The following INIP variants were observed in gnomAD, a reference collection of about 807,000 sequenced individuals.
The protein encoded by INIP is INTS3 and NABP interacting protein.
In INIP, 9 loss-of-function variants were observed where a neutral mutation model predicts 14.0. The ratio of observed to expected loss-of-function variants is 0.64; its 90% CI spans 0.39 to 1.12. INIP has a LOEUF of 1.12. Ranked by LOEUF, INIP falls within the 50% of genes most tolerant of loss-of-function variation. The pLI is 0.01. For missense variants in INIP, 78 were observed against 122.7 expected, an observed-to-expected ratio of 0.64 and a Z score of 1.72; for synonymous variants, 37 against 41.5, an observed-to-expected ratio of 0.89 and a Z score of 0.41.
intron 2 of INIP, among the ~76,000 whole-genome samples, chr9:112,700,538 T>TATATATATATATATA (rs112196431): frequency 1.6e-5 from 2 of 122,210 alleles, no homozygotes; most frequent in African/African-American, 7.3e-5. Flanking sequence ...TATATATATA[T>TATATATATATATATA]TATATATACC....
chr9:112,694,450 G>A (rs1285996543), intron 2 of INIP, among the ~76,000 whole-genome samples: 1 of 152,128 alleles, frequency 6.6e-6, no homozygotes, highest in African/African-American at 2.4e-5. Flanking sequence ...GAATACTTAA[G>A]CAGAATATAA....
At position 112,716,446 on chromosome 9, in the gene INIP, T is replaced by C. The variant is rs527362301; in HGVS notation, c.25+15A>G. ...GGGGAAATGTTCATAGTAAAGAAAT[T>C]CCTGCTGTCATTACCTTGTCCTGAA... On this transcript the variant is annotated intron_variant, in intron 2 of 4. Transcript: ENST00000374242. The C allele has an allele frequency of 6.2e-6, 10 of 1,611,778 alleles. No homozygotes were observed. The South Asian group carries it at 8.8e-5, about 14-fold the overall frequency.
intron 2 of INIP, among the ~76,000 whole-genome samples, chr9:112,702,829 C>CT (rs1235871303): frequency 2.0e-5 from 3 of 152,172 alleles, no homozygotes; most frequent in Admixed American, 6.5e-5. Flanking sequence ...TCCCAAAGTG[C>CT]TGGGATTACA....
At chr9:112,707,223 G>A (rs541957478) in intron 2 of INIP, among the ~76,000 whole-genome samples, 181 of 149,236 alleles carry the variant, frequency 1.2e-3, no homozygotes, top group Non-Finnish European at 2.3e-3. Context: ...ACAGGCATGA[G>A]CCACTGTGCC....
intron 2 of INIP, among the ~76,000 whole-genome samples, chr9:112,710,500 A>G (rs911895175): frequency 2.0e-5 from 3 of 152,178 alleles, no homozygotes; most frequent in African/African-American, 7.2e-5. Flanking sequence ...CCAGGTTGAC[A>G]ATCTGCCTCT....
At chr9:112,694,068 C>A in intron 3 of INIP, 63 bp downstream of exon 3, 1 of 1,107,680 alleles carries the variant, frequency 9.0e-7, no homozygotes, top group South Asian at 1.4e-5. Context: ...GGGCGAGACT[C>A]CGTCTCAAAA....
chr9:112,711,287 T>C (rs190581858), intron 2 of INIP, among the ~76,000 whole-genome samples: 18 of 152,320 alleles, frequency 1.2e-4, no homozygotes, highest in African/African-American at 4.3e-4. Context: ...CTCCCTCTGC[T>C]GGTTCCTAGT....
At chr9:112,689,264 T>C (rs1479006528) in intron 4 of INIP, among the ~76,000 whole-genome samples, 1 of 152,230 alleles carries the variant, frequency 6.6e-6, no homozygotes, top group Non-Finnish European at 1.5e-5. Flanking sequence ...CCAAATATCC[T>C]AGACTCTTGT....
At chr9:112,714,137 C>G (rs1838734178) in intron 2 of INIP, among the ~76,000 whole-genome samples, 1 of 152,066 alleles carries the variant, frequency 6.6e-6, no homozygotes, top group South Asian at 2.1e-4. Context: ...TACTACCCCA[C>G]AATAACAAGG....
rs1221209807 is a variant in INIP at position 112,685,073 on chromosome 9, C to T, written c.*2465G>A. ...GTTCCAGGATGCCTCTCTCAGGCCA[C>T]TACTGCATTCTGGCTCGCTTGATTG... On this transcript the variant is annotated 3_prime_UTR_variant, in exon 5 of 5. Transcript: ENST00000374242. 2.0e-5 allele frequency: 3 copies of T among 152,188 alleles called. No individual in the cohort carries two copies. Among genetic ancestry groups the T allele is most frequent in the African/African-American group, 4.8e-5 (2 of 41,422 alleles). 9.4% of individuals were successfully genotyped at this position (152,188 alleles called of 1,614,324 possible).
intron 3 of INIP, among the ~76,000 whole-genome samples, chr9:112,690,256 C>T (rs538841552): frequency 3.9e-5 from 6 of 152,092 alleles, no homozygotes; most frequent in African/African-American, 1.2e-4. Context: ...TTTGGGAGTC[C>T]GAGGCAGGAG....
At chr9:112,690,377 C>T (rs10759583) in intron 3 of INIP, among the ~76,000 whole-genome samples, 3,087 of 152,176 alleles carry the variant, frequency 0.02, 96 homozygotes, top group East Asian at 0.14. Context: ...ATTCCAGCTA[C>T]GTGGGAGGCT....
rs147175165 is a variant in INIP at position 112,716,027 on chromosome 9, A to G, written c.25+434T>C. ...ATTGACCTAAACATCATTATTCAGC[A>G]CAAGTGTATTTCAAATTTAGAGTTT... On this transcript the variant is annotated intron_variant, in intron 2 of 4. Coordinates refer to ENST00000374242, the MANE Select transcript of INIP (RefSeq NM_021218.3). Among the ~76,000 whole-genome samples, 236 of 152,206 alleles carry G rather than the reference A, an allele frequency of 1.6e-3. 2 individuals are homozygous for G. The highest frequency in any genetic ancestry group is 5.3e-3 in the African/African-American group (222 of 41,538).
rs560195464 is a variant in INIP, at chr9:112,707,330, CTT to C, written c.25+9129_25+9130del. On this transcript the variant is annotated intron_variant, in intron 2 of 4. Transcript: ENST00000374242. Reference sequence around the variant, plus strand: ...AAACAAATAAAAAATCTGTTTCAAACTTTTTTTTTTTTTAAGAGACAGGATCT... The same window carrying C: ...AAACAAATAAAAAATCTGTTTCAAACTTTTTTTTTTTAAGAGACAGGATCT... Among the ~76,000 whole-genome samples the C allele has an allele frequency of 7.4e-3, 982 of 132,656 alleles. 9 individuals carry two copies. Among genetic ancestry groups the C allele is most frequent in the African/African-American group, 0.025 (910 of 36,550 alleles). 87.0% of individuals were successfully genotyped at this position (132,656 alleles called of 152,430 possible).
At chr9:112,713,301 C>CT (rs1470851550) in intron 2 of INIP, among the ~76,000 whole-genome samples, 1 of 152,158 alleles carries the variant, frequency 6.6e-6, no homozygotes, top group Admixed American at 6.5e-5. Context: ...ACTGACAACA[C>CT]TAAATGTGAA....
At position 112,693,139 on chromosome 9, in the gene INIP, T is replaced by C. The variant is rs555188577; in HGVS notation, c.128+992A>G. 2.0e-5 allele frequency among the ~76,000 whole-genome samples: 3 copies of C among 152,234 alleles called. No homozygotes were observed. In the South Asian group the frequency reaches 6.2e-4, roughly 32 times the overall value. ...CTAAACAGTTTGTTAAAAGTCTGAC[T>C]AGGAAATGAAGGGAACTAGAATATG... On this transcript the variant is annotated intron_variant, in intron 3 of 4. Coordinates refer to ENST00000374242, the MANE Select transcript of INIP (RefSeq NM_021218.3).
chr9:112,711,216 T>C (rs563298667), intron 2 of INIP, among the ~76,000 whole-genome samples: 1 of 152,110 alleles, frequency 6.6e-6, no homozygotes, highest in East Asian at 1.9e-4. Flanking sequence ...ACAATAGATC[T>C]GAATAAATAA....
chr9:112,716,500 T>C lies in INIP; in HGVS notation c.-15A>G. On this transcript the variant is annotated 5_prime_UTR_variant, in exon 2 of 5. Transcript: ENST00000374242. ...TTTGCTGCCATTTTCCTATTTTGTT[T>C]CAAGTATGTCCAGTGGCAATTGGTC... The C allele has an allele frequency of 6.2e-7, 1 of 1,613,392 alleles. No individual in the cohort carries two copies. Among genetic ancestry groups the C allele is most frequent in the Non-Finnish European group, 8.5e-7 (1 of 1,179,402 alleles).
intron 2 of INIP, among the ~76,000 whole-genome samples, chr9:112,696,303 C>T (rs544328548): frequency 6.6e-6 from 1 of 152,156 alleles, no homozygotes; most frequent in Non-Finnish European, 1.5e-5. Flanking sequence ...CTTAATCTTC[C>T]GGTGGAAGAA....
Sources: gnomAD v4.1 joint callset for allele counts (sites outside exome capture counted in the v4.1 genomes callset) on GRCh38, gnomAD v4.1.1 for gene constraint, MANE v1.5 for transcripts, NCBI Gene and HGNC (gene_info 2026-07-23, HGNC 2026-07-21) for gene names.